TRNT1: variants seen among roughly 807,000 people sequenced by gnomAD.
TRNT1 encodes the protein tRNA nucleotidyl transferase 1.
A neutral mutation model predicts 45.6 loss-of-function variants in TRNT1; 44 were observed. That is an observed-to-expected ratio of 0.97 (90% CI 0.76 to 1.24). The LOEUF (loss-of-function observed/expected upper bound fraction) is 1.24. TRNT1 is among the 50% of genes most tolerant of loss of function. TRNT1 has a pLI of 0.00. For synonymous variants in TRNT1, 201 were observed against 171.4 expected, an observed-to-expected ratio of 1.17 and a Z score of -1.35; for missense variants, 633 against 504.4, an observed-to-expected ratio of 1.25 and a Z score of -2.44.
rs1296235113 is a variant in TRNT1 at position 3,126,962 on chromosome 3, C to CG, written c.-54dup. 6.5e-6 allele frequency: 1 copy of CG among 152,810 alleles called. No homozygotes were observed. Among genetic ancestry groups the CG allele is most frequent in the African/African-American group, 2.4e-5 (1 of 41,484 alleles). 9.5% of individuals were successfully genotyped at this position (152,810 alleles called of 1,614,324 possible). A position where few individuals can be genotyped will look rare whatever the true frequency, so the allele number is the denominator to read the frequency against. On this transcript the variant is annotated 5_prime_UTR_variant, in exon 1 of 8. Coordinates refer to ENST00000251607, the MANE Select transcript of TRNT1 (RefSeq NM_182916.3). Reference sequence around the variant, plus strand: ...ACCAGCCCGGAAGTGCGCGTGGCGGCGGTGGCGGCTGCGGCAACAGCGGGG... The same window carrying CG: ...ACCAGCCCGGAAGTGCGCGTGGCGGCGGGTGGCGGCTGCGGCAACAGCGGGG...
intron 2 of TRNT1, among the ~76,000 whole-genome samples, chr3:3,132,740 A>C (rs1450134048): frequency 9.7e-5 from 13 of 134,286 alleles, no homozygotes; most frequent in Non-Finnish European, 1.9e-4. Context: ...GGAAAAAAAA[A>C]AAAACACAAA....
At chr3:3,146,351 AC>A in intron 5 of TRNT1, 78 bp from the exon 6 acceptor site, 3 of 1,109,526 alleles carry the variant, frequency 2.7e-6, no homozygotes, top group South Asian at 3.1e-5. Flanking sequence ...ATGGGATAGT[AC>A]CAATAAAAAT....
chr3:3,129,063 G>A lies in TRNT1; in HGVS notation c.23G>A (p.Trp8Ter). The A allele has an allele frequency of 6.2e-7, 1 of 1,612,088 alleles. No individual in the cohort carries two copies. Among genetic ancestry groups the A allele is most frequent in the Non-Finnish European group, 8.5e-7 (1 of 1,178,880 alleles). ...CAGATGCTGAGGTGCCTGTATCATT[G>A]GCACAGGCCAGTGCTGAACCGTAGG... is the stretch of plus-strand genomic sequence containing the variant. MLRCLYH[W>*]HRPVLNRRWS... The change falls in exon 2 of 8, where the codon TGG becomes TAG. Residue 8 changes from tryptophan to a stop codon, truncating the protein, a stop_gained. Coordinates refer to ENST00000251607, the MANE Select transcript of TRNT1 (RefSeq NM_182916.3). LOFTEE classifies it high-confidence loss of function.
chr3:3,138,010 A>G (rs183942721), intron 3 of TRNT1, among the ~76,000 whole-genome samples: 16 of 152,350 alleles, frequency 1.1e-4, no homozygotes, highest in Admixed American at 2.6e-4. Context: ...TGCCAGAGCT[A>G]TAGAGTTCCT....
chr3:3,152,933 A>G (rs1032206291), downstream of TRNT1: 1 of 325,644 alleles, frequency 3.1e-6, no homozygotes, highest in Non-Finnish European at 5.8e-6. Context: ...CTGTGTGGTC[A>G]TTTTGGGGCA....
downstream of TRNT1, chr3:3,153,391 G>C (rs202139535): frequency 1.7e-6 from 2 of 1,144,064 alleles, no homozygotes; most frequent in South Asian, 1.2e-5. Context: ...TTCTGATAAG[G>C]CAAGTATATT....
downstream of TRNT1, chr3:3,150,994 C>T: frequency 1.2e-6 from 2 of 1,613,998 alleles, no homozygotes; most frequent in Non-Finnish European, 8.5e-7. Flanking sequence ...CCGTAAACTT[C>T]CATCCAATAT....
downstream of TRNT1, chr3:3,149,071 T>TA (rs1189449314): frequency 6.6e-6 from 1 of 151,618 alleles, no homozygotes; most frequent in Non-Finnish European, 1.5e-5. Flanking sequence ...TGACATTTCA[T>TA]AATTTATTTC....
intron 3 of TRNT1, 62 bp from the exon 4 acceptor site, chr3:3,140,448 C>T: frequency 6.5e-7 from 1 of 1,543,228 alleles, no homozygotes; most frequent in Non-Finnish European, 8.8e-7. Flanking sequence ...TTATTTTTTT[C>T]AATTCAGTAG....
At chr3:3,134,392 G>C (rs1421564151) in intron 2 of TRNT1, among the ~76,000 whole-genome samples, 1 of 152,122 alleles carries the variant, frequency 6.6e-6, no homozygotes, top group African/African-American at 2.4e-5. Context: ...TAAAAATCCT[G>C]AATGGCAAGG....
intron 4 of TRNT1, among the ~76,000 whole-genome samples, chr3:3,141,573 T>C (rs17027316): frequency 6.6e-6 from 1 of 152,204 alleles, no homozygotes; most frequent in Non-Finnish European, 1.5e-5. Context: ...CTTTTTTGTT[T>C]AATGAAAGCA....
At chr3:3,153,390 G>A (rs1256921020), downstream of TRNT1, 3 of 1,142,580 alleles carry the variant, frequency 2.6e-6, no homozygotes, top group Non-Finnish European at 4.0e-6. Flanking sequence ...ATTCTGATAA[G>A]GCAAGTATAT....
chr3:3,127,782 C>A (rs3804788), intron 1 of TRNT1: 18,666 of 152,172 alleles, frequency 0.12, 1,254 homozygotes, highest in Admixed American at 0.17. Flanking sequence ...CTGCCTGAAG[C>A]CCTGCTCTGG....
chr3:3,128,840 C>G (rs1215605770), intron 1 of TRNT1, among the ~76,000 whole-genome samples, 174 bp from the exon 2 acceptor site: 2 of 152,146 alleles, frequency 1.3e-5, no homozygotes, highest in African/African-American at 4.8e-5. Flanking sequence ...AGAACAAAAC[C>G]AGGTAGATAC....
At chr3:3,137,171 A>T in intron 2 of TRNT1, 89 bp from the exon 3 acceptor site, 6 of 1,058,860 alleles carry the variant, frequency 5.7e-6, no homozygotes, top group Non-Finnish European at 8.0e-6. Flanking sequence ...TGTTCCAACT[A>T]GATGGAAAAG....
rs74599831 is a variant in TRNT1 at position 3,143,723 on chromosome 3, C to A, written c.482-861C>A. Among the ~76,000 whole-genome samples, 352 of 152,200 alleles carry A rather than the reference C, an allele frequency of 2.3e-3. 18 individuals are homozygous for A. The East Asian group carries it at 0.064, about 28-fold the overall frequency. On this transcript the variant is annotated intron_variant, in intron 4 of 7. Transcript: ENST00000251607. ...CGAAACCCTGTCTCTACTAAAAATA[C>A]AAAAATTAGCTGTGTGTAGTGGCAG...
At chr3:3,128,443 T>C (rs746127578) in intron 1 of TRNT1, among the ~76,000 whole-genome samples, 7 of 151,760 alleles carry the variant, frequency 4.6e-5, no homozygotes, top group African/African-American at 7.3e-5. Context: ...CCCAGAAGTA[T>C]AAAAAATTAG....
At chr3:3,128,964 C>T (rs2126001750) in intron 1 of TRNT1, 50 bp from the exon 2 acceptor site, 1 of 1,373,814 alleles carries the variant, frequency 7.3e-7, no homozygotes, top group East Asian at 2.3e-5. Context: ...TTTTCCTTCA[C>T]TTACCTTCAC....
chr3:3,137,140 C>T, intron 2 of TRNT1, 120 bp from the exon 3 acceptor site: 1 of 742,454 alleles, frequency 1.3e-6, no homozygotes. Flanking sequence ...TATGAAAAGC[C>T]TCAGTTAAAT....
Sources: gnomAD v4.1 joint callset for allele counts (sites outside exome capture counted in the v4.1 genomes callset) on GRCh38, gnomAD v4.1.1 for gene constraint, MANE v1.5 for transcripts, NCBI Gene and HGNC (gene_info 2026-07-23, HGNC 2026-07-21) for gene names.